ROBO1: variants seen among roughly 807,000 people sequenced by gnomAD.
ROBO1 encodes roundabout homolog 1.
In ROBO1, 149 loss-of-function variants were observed where a neutral mutation model predicts 195.9. The ratio of observed to expected loss-of-function variants is 0.76; its 90% CI spans 0.67 to 0.87. The LOEUF is 0.87. Ranked by LOEUF, ROBO1 falls within the 40% of genes least tolerant of loss-of-function variation. ROBO1 has a pLI of 0.00. For synonymous variants in ROBO1, 816 were observed against 733.2 expected (o/e 1.11, Z -1.82); for missense variants, 1,933 against 2,068.3 (o/e 0.93, Z 1.27).
Position 78,677,344 on chromosome 3 carries a change from G to T in ROBO1, c.1343-7043C>A, listed in dbSNP as rs569051551. Among the ~76,000 whole-genome samples the T allele has an allele frequency of 6.6e-3, 1,007 of 152,158 alleles. 8 individuals carry two copies. Among genetic ancestry groups the T allele is most frequent in the Non-Finnish European group, 1.0e-2 (677 of 68,000 alleles). On this transcript the variant is annotated intron_variant, in intron 10 of 30. Transcript: ENST00000464233. Reference sequence around the variant, plus strand: ...AACAATATTAACTTTAAATGTAAATGGACTAAATGCTCCAATTAAAAGACA... The same window carrying T: ...AACAATATTAACTTTAAATGTAAATTGACTAAATGCTCCAATTAAAAGACA...
intron 2 of ROBO1, among the ~76,000 whole-genome samples, chr3:79,550,857 C>T (rs555660037): frequency 6.6e-6 from 1 of 152,282 alleles, no homozygotes; most frequent in South Asian, 2.1e-4. Context: ...ATGTGTCCTC[C>T]AAAGCCTTAA....
chr3:78,619,353 T>C (rs2107412579), intron 26 of ROBO1, among the ~76,000 whole-genome samples: 1 of 152,092 alleles, frequency 6.6e-6, no homozygotes, highest in East Asian at 2.0e-4. Flanking sequence ...CATCAACTGG[T>C]AGTTTACCTG....
chr3:79,617,146 A>C (rs913158472), intron 1 of ROBO1, among the ~76,000 whole-genome samples: 1 of 151,802 alleles, frequency 6.6e-6, no homozygotes, highest in Non-Finnish European at 1.5e-5. Context: ...TCCCTACACC[A>C]CCCTATGGAG....
chr3:79,709,846 C>A (rs1256995165), intron 1 of ROBO1, among the ~76,000 whole-genome samples: 1 of 152,126 alleles, frequency 6.6e-6, no homozygotes, highest in East Asian at 1.9e-4. Context: ...AGCTAGCTGC[C>A]TTGCCCGTTT....
intron 5 of ROBO1, among the ~76,000 whole-genome samples, chr3:78,743,921 T>C (rs1409656025): frequency 6.6e-6 from 1 of 152,182 alleles, no homozygotes; most frequent in East Asian, 1.9e-4. Context: ...GTAGAGTGTT[T>C]CATCCGCCAG....
chr3:79,725,065 A>T (rs1304603428), intron 1 of ROBO1, among the ~76,000 whole-genome samples: 3 of 151,792 alleles, frequency 2.0e-5, no homozygotes, highest in Non-Finnish European at 2.9e-5. Flanking sequence ...AGGCTAAAAC[A>T]CTCATTGTTG....
intron 3 of ROBO1, among the ~76,000 whole-genome samples, chr3:79,055,650 T>A (rs143427678): frequency 0.012 from 1,752 of 152,158 alleles, 44 homozygotes; most frequent in African/African-American, 0.04. Context: ...CACATAACTC[T>A]TATAGTGCTC....
chr3:79,736,103 C>A (rs568540992), intron 1 of ROBO1, among the ~76,000 whole-genome samples: 1 of 152,140 alleles, frequency 6.6e-6, no homozygotes, highest in African/African-American at 2.4e-5. Flanking sequence ...AACTCCTTTA[C>A]AAAAGGAAAT....
At chr3:79,235,232 C>G (rs1352218555) in intron 2 of ROBO1, among the ~76,000 whole-genome samples, 2 of 152,016 alleles carry the variant, frequency 1.3e-5, no homozygotes, top group South Asian at 2.1e-4. Flanking sequence ...ACACAGTAGT[C>G]TAAACACATT....
intron 8 of ROBO1, among the ~76,000 whole-genome samples, chr3:78,704,661 CAAAAAA>C (rs1160098731): frequency 9.7e-4 from 60 of 61,690 alleles, no homozygotes; most frequent in Admixed American, 6.0e-3. Flanking sequence ...CTCATCTCTC[CAAAAAA>C]AAAAAAAAAA....
intron 1 of ROBO1, among the ~76,000 whole-genome samples, chr3:79,654,926 G>A (rs1162455577): frequency 1.3e-5 from 2 of 151,892 alleles, no homozygotes; most frequent in Admixed American, 6.6e-5. Context: ...GTGTAATGAG[G>A]GATGCAGTGC....
intron 2 of ROBO1, among the ~76,000 whole-genome samples, chr3:79,336,815 G>A (rs1400846674): frequency 6.6e-6 from 1 of 152,178 alleles, no homozygotes; most frequent in Non-Finnish European, 1.5e-5. Flanking sequence ...CTGGAAGGGG[G>A]GCTGTACCCT....
At chr3:79,442,287 A>T (rs1327250459) in intron 2 of ROBO1, among the ~76,000 whole-genome samples, 2 of 152,154 alleles carry the variant, frequency 1.3e-5, no homozygotes, top group Non-Finnish European at 2.9e-5. Flanking sequence ...AAGAAAACTC[A>T]TCTATAATAT....
At chr3:79,415,203 T>C (rs1199173673) in intron 2 of ROBO1, among the ~76,000 whole-genome samples, 1 of 152,168 alleles carries the variant, frequency 6.6e-6, no homozygotes, top group Non-Finnish European at 1.5e-5. Context: ...TTACACCGTA[T>C]TTTGTAGAAC....
At chr3:78,996,075 A>T (rs1257647818) in intron 3 of ROBO1, among the ~76,000 whole-genome samples, 3 of 152,090 alleles carry the variant, frequency 2.0e-5, no homozygotes, top group Admixed American at 2.0e-4. Flanking sequence ...AGAAGTCTTG[A>T]TTTTTATGAA....
At chr3:78,607,127 C>A in intron 28 of ROBO1, 86 bp from the exon 29 acceptor site, 1 of 1,281,676 alleles carries the variant, frequency 7.8e-7, no homozygotes, top group South Asian at 1.5e-5. Flanking sequence ...GAGCCACATT[C>A]ACCTACGAGA....
chr3:79,519,564 G>T (rs1941110890), intron 2 of ROBO1, among the ~76,000 whole-genome samples: 1 of 143,586 alleles, frequency 7.0e-6, no homozygotes, highest in Non-Finnish European at 1.5e-5. Flanking sequence ...GGGAGACAGA[G>T]GTTGCAGTGA....
intron 2 of ROBO1, among the ~76,000 whole-genome samples, chr3:79,390,972 T>C (rs1451401677): frequency 2.0e-5 from 3 of 152,058 alleles, no homozygotes; most frequent in Non-Finnish European, 4.4e-5. Flanking sequence ...AAGCACTGCT[T>C]TAACAATTAG....
At chr3:79,475,398 T>A (rs9853257) in intron 2 of ROBO1, among the ~76,000 whole-genome samples, 101,272 of 151,770 alleles carry the variant, frequency 0.67, 35,259 homozygotes, top group African/African-American at 0.88. Flanking sequence ...TGTTGAATAC[T>A]TTGTTTATTA....
Sources: gnomAD v4.1 joint callset for allele counts (sites outside exome capture counted in the v4.1 genomes callset) on GRCh38, gnomAD v4.1.1 for gene constraint, MANE v1.5 for transcripts, NCBI Gene and HGNC (gene_info 2026-07-23, HGNC 2026-07-21) for gene names.